SEMA6A: variants seen among roughly 807,000 people sequenced by gnomAD.
The protein encoded by SEMA6A is semaphorin-6A.
In SEMA6A, 25 loss-of-function variants were observed where a neutral mutation model predicts 96.8. The ratio of observed to expected loss-of-function variants is 0.26; its 90% CI spans 0.19 to 0.36. The LOEUF is 0.36. Ranked by LOEUF, SEMA6A falls within the 10% of genes least tolerant of loss-of-function variation. The pLI is 1.00. For missense variants in SEMA6A, 1,363 were observed against 1,323.1 expected, an observed-to-expected ratio of 1.03 and a Z score of -0.47; for synonymous variants, 612 against 518.0, an observed-to-expected ratio of 1.18 and a Z score of -2.46.
intron 1 of SEMA6A, among the ~76,000 whole-genome samples, chr5:116,566,292 G>C (rs1010252095): frequency 2.6e-5 from 4 of 152,156 alleles, no homozygotes; most frequent in African/African-American, 9.7e-5. Flanking sequence ...AATTGGCATG[G>C]ATTCTTTGAA....
At chr5:116,458,942 G>A (rs1190428385) in intron 18 of SEMA6A, among the ~76,000 whole-genome samples, 1 of 152,120 alleles carries the variant, frequency 6.6e-6, no homozygotes, top group Admixed American at 6.6e-5. Flanking sequence ...TCATCCATTT[G>A]AGAGCCCAGC....
At chr5:116,569,262 AAT>A (rs1490295101) in intron 1 of SEMA6A, among the ~76,000 whole-genome samples, 1 of 152,230 alleles carries the variant, frequency 6.6e-6, no homozygotes, top group Non-Finnish European at 1.5e-5. Flanking sequence ...AGACCTGAAG[AAT>A]ATGAGAAGCA....
chr5:116,473,056 A>C lies in SEMA6A; in HGVS notation c.1729+17T>G. ...GTTTCCACCAGTATGGAATTATGAG[A>C]GTAATATCTTCCTTACCATTCAGTG... is the stretch of plus-strand genomic sequence containing the variant. On this transcript the variant is annotated intron_variant, in intron 17 of 18. Transcript: ENST00000343348. 1 of 1,588,606 alleles carries C rather than the reference A, an allele frequency of 6.3e-7. No individual in the cohort carries two copies. Among genetic ancestry groups the C allele is most frequent in the Admixed American group, 1.8e-5 (1 of 56,594 alleles).
intron 1 of SEMA6A, among the ~76,000 whole-genome samples, chr5:116,561,703 T>G (rs998553542): frequency 2.6e-5 from 4 of 152,220 alleles, no homozygotes; most frequent in Non-Finnish European, 5.9e-5. Context: ...TGTAGCTGTT[T>G]TCTAGCAGCA....
chr5:116,525,557 T>C (rs1759183163), intron 1 of SEMA6A, among the ~76,000 whole-genome samples: 1 of 152,054 alleles, frequency 6.6e-6, no homozygotes, highest in Non-Finnish European at 1.5e-5. Context: ...GTAGTTCCAA[T>C]TTCCCCCTGT....
intron 1 of SEMA6A, chr5:116,562,755 G>T (rs552288025): frequency 2.3e-4 from 172 of 733,460 alleles, no homozygotes; most frequent in Non-Finnish European, 2.6e-5. Flanking sequence ...AAGGCAGACC[G>T]AGATGAATCT....
At chr5:116,484,706 G>C (rs942486083) in intron 10 of SEMA6A, among the ~76,000 whole-genome samples, 1 of 152,198 alleles carries the variant, frequency 6.6e-6, no homozygotes, top group Non-Finnish European at 1.5e-5. Flanking sequence ...GAGTATGAAA[G>C]AAGTATGCAC....
At chr5:116,486,378 G>A (rs1757048826) in intron 10 of SEMA6A, among the ~76,000 whole-genome samples, 1 of 152,162 alleles carries the variant, frequency 6.6e-6, no homozygotes, top group Admixed American at 6.6e-5. Context: ...TCCATCTACT[G>A]ACTACTTAGA....
At chr5:116,459,469 A>T (rs2112619088) in intron 18 of SEMA6A, among the ~76,000 whole-genome samples, 1 of 152,204 alleles carries the variant, frequency 6.6e-6, no homozygotes, top group South Asian at 2.1e-4. Flanking sequence ...ACTCCTTGGC[A>T]TGGCATTTAA....
chr5:116,555,072 C>T (rs565840054), intron 1 of SEMA6A, among the ~76,000 whole-genome samples: 2 of 152,280 alleles, frequency 1.3e-5, no homozygotes, highest in African/African-American at 2.4e-5. Context: ...TCTCTGCCAC[C>T]GGGAAGGAGG....
chr5:116,531,226 G>C (rs1759458647), intron 1 of SEMA6A, among the ~76,000 whole-genome samples: 1 of 152,186 alleles, frequency 6.6e-6, no homozygotes, highest in Non-Finnish European at 1.5e-5. Context: ...ATCCAGAGTA[G>C]AGAAAAGGGG....
At chr5:116,493,953 C>A (rs139697878) in intron 6 of SEMA6A, among the ~76,000 whole-genome samples, 265 of 152,236 alleles carry the variant, frequency 1.7e-3, no homozygotes, top group African/African-American at 6.2e-3. Context: ...CACACTCCCC[C>A]AACCCCCAAC....
chr5:116,483,843 A>G (rs953990712), intron 10 of SEMA6A, among the ~76,000 whole-genome samples: 2 of 152,102 alleles, frequency 1.3e-5, no homozygotes, highest in African/African-American at 2.4e-5. Flanking sequence ...GTGGGTGGAT[A>G]ACTTGAGATC....
At chr5:116,570,015 T>C (rs1028025980) in intron 1 of SEMA6A, among the ~76,000 whole-genome samples, 1 of 152,170 alleles carries the variant, frequency 6.6e-6, no homozygotes, top group Non-Finnish European at 1.5e-5. Flanking sequence ...AATGGAATTA[T>C]TGTAATAAAG....
At chr5:116,532,301 C>A (rs987898043) in intron 1 of SEMA6A, among the ~76,000 whole-genome samples, 1 of 152,098 alleles carries the variant, frequency 6.6e-6, no homozygotes, top group Non-Finnish European at 1.5e-5. Context: ...CAACTGGGGG[C>A]CTTCGGTATA....
intron 1 of SEMA6A, among the ~76,000 whole-genome samples, chr5:116,523,923 G>A (rs960858409): frequency 1.3e-5 from 2 of 152,126 alleles, no homozygotes; most frequent in African/African-American, 4.8e-5. Flanking sequence ...GGGATAATTA[G>A]CCATGATTCA....
intron 4 of SEMA6A, among the ~76,000 whole-genome samples, chr5:116,496,819 T>G (rs1286864386): frequency 3.3e-5 from 5 of 152,336 alleles, no homozygotes; most frequent in South Asian, 2.1e-4. Context: ...TGAAGGGATC[T>G]TCTACTCCTA....
At position 116,458,049 on chromosome 5, in the gene SEMA6A, T is replaced by A. The variant is rs531537189; in HGVS notation, c.1894+9534A>T. Among the ~76,000 whole-genome samples, 5 of 152,270 alleles carry A rather than the reference T, an allele frequency of 3.3e-5. No homozygotes were observed. In the South Asian group the frequency reaches 8.3e-4, roughly 25 times the overall value. On this transcript the variant is annotated intron_variant, in intron 18 of 18. Transcript: ENST00000343348. ...CACTGTTTTGCCCTCTGTGGACTAG[T>A]TTGTCTATGGAGCAGTGAAGTTTGC...
At chr5:116,477,752 G>C (rs992091775) in intron 15 of SEMA6A, 94 bp downstream of exon 15, 11 of 1,229,830 alleles carry the variant, frequency 8.9e-6, no homozygotes, top group African/African-American at 4.4e-5. Flanking sequence ...ACAGAAAGCT[G>C]TGTGGTGGTG....
Sources: gnomAD v4.1 joint callset for allele counts (sites outside exome capture counted in the v4.1 genomes callset) on GRCh38, gnomAD v4.1.1 for gene constraint, MANE v1.5 for transcripts, NCBI Gene and HGNC (gene_info 2026-07-23, HGNC 2026-07-21) for gene names.